PTPRU: variants seen among roughly 807,000 people sequenced by gnomAD.
PTPRU encodes the protein receptor-type tyrosine-protein phosphatase U.
Under a neutral mutation model 166.3 loss-of-function variants are expected in PTPRU, and 69 were observed. The ratio of observed to expected loss-of-function variants is 0.41; its 90% confidence interval spans 0.34 to 0.51. The LOEUF (loss-of-function observed/expected upper bound fraction) is 0.51, where lower values mean the gene tolerates loss of function less well. Ranked by LOEUF, PTPRU falls within the 20% of genes least tolerant of loss-of-function variation. PTPRU has a pLI of 0.09. For synonymous variants in PTPRU, 793 were observed against 814.0 expected (o/e 0.97, Z 0.44); for missense variants, 1,657 against 2,013.7 (o/e 0.82, Z 3.39).
intron 1 of PTPRU, among the ~76,000 whole-genome samples, chr1:29,252,088 G>T (rs982445180): frequency 2.6e-5 from 4 of 152,148 alleles, no homozygotes; most frequent in Non-Finnish European, 5.9e-5. Context: ...TTCAAACAAA[G>T]AGCCAAAGAG....
chr1:29,237,299 G>C lies in PTPRU; in HGVS notation c.73+582G>C, dbSNP rs1256729888. 6.6e-6 allele frequency among the ~76,000 whole-genome samples: 1 copy of C among 152,108 alleles called. No individual in the cohort carries two copies. Among genetic ancestry groups the C allele is most frequent in the Non-Finnish European group, 1.5e-5 (1 of 68,012 alleles). On this transcript the variant is annotated intron_variant, in intron 1 of 29. Coordinates refer to ENST00000373779, the MANE Select transcript of PTPRU (RefSeq NM_133178.4). The surrounding 1 kb of genome is among the most constrained non-coding windows in gnomAD (Gnocchi z 6.4). The stretch of plus-strand genomic sequence containing the variant: ...GAACGGGTCCGGAACGTGTGTGTCC[G>C]TGCGCTGTGTACGTGTGGGGAGTGT...
chr1:29,300,264 G>A (rs901724370), intron 15 of PTPRU, among the ~76,000 whole-genome samples: 1 of 152,166 alleles, frequency 6.6e-6, no homozygotes, highest in African/African-American at 2.4e-5. Context: ...TCCTGAGGAT[G>A]TTTCATGAAA....
intron 11 of PTPRU, among the ~76,000 whole-genome samples, chr1:29,281,544 G>A (rs1686083826): frequency 6.6e-6 from 1 of 152,288 alleles, no homozygotes; most frequent in East Asian, 1.9e-4. Context: ...CTGAGCCTCC[G>A]TTTCTTTATC....
At chr1:29,275,872 A>G (rs1685783994) in intron 8 of PTPRU, 116 bp downstream of exon 8, 1 of 1,114,314 alleles carries the variant, frequency 9.0e-7, no homozygotes, top group Non-Finnish European at 1.3e-6. Flanking sequence ...GATTAAACCA[A>G]CTGTATAACA....
intron 7 of PTPRU, among the ~76,000 whole-genome samples, chr1:29,261,276 C>G (rs1374659935): frequency 2.0e-5 from 3 of 152,194 alleles, no homozygotes; most frequent in Admixed American, 2.0e-4. Flanking sequence ...TGGCTGACTC[C>G]AGAATCTGTG....
Position 29,311,433 on chromosome 1 carries a change from G to A in PTPRU, c.2858-23G>A. ...GGTGGAGACCTTGTCTCAGGGACAGGCACCCTCTGCCTGCATCCCCAGGGC... is the reference window on the plus strand; with the variant it reads ...GGTGGAGACCTTGTCTCAGGGACAGACACCCTCTGCCTGCATCCCCAGGGC... On this transcript the variant is annotated intron_variant, in intron 19 of 29. Coordinates refer to ENST00000373779, the MANE Select transcript of PTPRU (RefSeq NM_133178.4). The surrounding 1 kb of genome is among the most constrained non-coding windows in gnomAD (Gnocchi z 4.1). 1.9e-6 allele frequency: 3 copies of A among 1,612,140 alleles called. No individual in the cohort carries two copies. Among genetic ancestry groups the A allele is most frequent in the Non-Finnish European group, 2.5e-6 (3 of 1,178,822 alleles).
chr1:29,302,475 C>T (rs1687182349), intron 15 of PTPRU, among the ~76,000 whole-genome samples: 1 of 152,194 alleles, frequency 6.6e-6, no homozygotes, highest in African/African-American at 2.4e-5. Flanking sequence ...CACTCAGTGA[C>T]TCACCCAGGA....
chr1:29,259,688 C>A, intron 5 of PTPRU, 124 bp downstream of exon 5: 1 of 1,239,264 alleles, frequency 8.1e-7, no homozygotes, highest in Non-Finnish European at 1.1e-6. Context: ...CACAGCGTCC[C>A]GGCCCTCCCC....
chr1:29,318,782 G>T (rs1688016325), intron 25 of PTPRU, among the ~76,000 whole-genome samples: 1 of 152,216 alleles, frequency 6.6e-6, no homozygotes, highest in Non-Finnish European at 1.5e-5. Flanking sequence ...AGGGTAGGCT[G>T]GCCTGGAAAA....
chr1:29,251,785 C>A (rs752764968), intron 1 of PTPRU, among the ~76,000 whole-genome samples: 6 of 152,186 alleles, frequency 3.9e-5, no homozygotes, highest in Non-Finnish European at 8.8e-5. Context: ...ACAGGAAAGG[C>A]CTGAACCCCA....
At chr1:29,310,084 C>T (rs143597047) in intron 18 of PTPRU, among the ~76,000 whole-genome samples, 2 of 152,116 alleles carry the variant, frequency 1.3e-5, no homozygotes, top group African/African-American at 4.8e-5. Context: ...AGCTCTTGGC[C>T]TCTCTCTCGT....
chr1:29,255,938 T>C (rs1177710078), intron 2 of PTPRU, among the ~76,000 whole-genome samples: 1 of 152,226 alleles, frequency 6.6e-6, no homozygotes, highest in African/African-American at 2.4e-5. Context: ...TCCTGAGCTC[T>C]GGACTGGGAG....
chr1:29,306,931 G>T (rs1046876556), intron 18 of PTPRU, among the ~76,000 whole-genome samples: 1 of 152,150 alleles, frequency 6.6e-6, no homozygotes, highest in Admixed American at 6.5e-5. Flanking sequence ...GGTCCCAGTT[G>T]GCTCCTCTTG....
At chr1:29,285,533 G>T (rs569303194) in intron 14 of PTPRU, among the ~76,000 whole-genome samples, 4 of 152,278 alleles carry the variant, frequency 2.6e-5, no homozygotes, top group Non-Finnish European at 4.4e-5. Flanking sequence ...AGGACATTGT[G>T]GAATCCAGAA....
At chr1:29,310,136 A>G (rs1687580566) in intron 18 of PTPRU, among the ~76,000 whole-genome samples, 1 of 152,158 alleles carries the variant, frequency 6.6e-6, no homozygotes, top group Admixed American at 6.5e-5. Context: ...GTACGTGACC[A>G]TAACAGGGTC....
rs76780230 is a variant in PTPRU, at chr1:29,308,890, G to A, written c.2821-1854G>A. ...ACCAACAAACAAAAATTAGTTGGAT[G>A]TAGTGGCCTGTGCCTGTAGTCCCAG... On this transcript the variant is annotated intron_variant, in intron 18 of 29. Transcript: ENST00000373779. Among the ~76,000 whole-genome samples, 381 of 152,168 alleles carry A rather than the reference G, an allele frequency of 2.5e-3. 2 individuals carry two copies. The highest frequency in any genetic ancestry group is 8.8e-3 in the African/African-American group (364 of 41,510).
rs376438851 is a variant in PTPRU, at chr1:29,259,405, C to T, written c.560-44C>T. Reference sequence around the variant, plus strand: ...TGTGGGCGGCCGCGGCTCCTGCCTGCAGGGGGTGCAGGCCCAGCTCACGAT... The same window carrying T: ...TGTGGGCGGCCGCGGCTCCTGCCTGTAGGGGGTGCAGGCCCAGCTCACGAT... On this transcript the variant is annotated intron_variant, in intron 4 of 29. Transcript: ENST00000373779. 3 of 1,607,772 alleles carry T rather than the reference C, an allele frequency of 1.9e-6. No homozygotes were observed. In the African/African-American group the frequency reaches 4.0e-5, roughly 21 times the overall value.
chr1:29,299,782 C>A (rs965821909), intron 15 of PTPRU, among the ~76,000 whole-genome samples: 2 of 152,208 alleles, frequency 1.3e-5, no homozygotes, highest in African/African-American at 4.8e-5. Context: ...CTCCATCTCG[C>A]CAGTTTCTTC....
At chr1:29,298,290 C>A (rs1164227621) in intron 15 of PTPRU, among the ~76,000 whole-genome samples, 3 of 147,314 alleles carry the variant, frequency 2.0e-5, no homozygotes, top group Non-Finnish European at 4.5e-5. Context: ...AAAAAAAAAA[C>A]CAAAACGTGT....
Sources: gnomAD v4.1 joint callset for allele counts (sites outside exome capture counted in the v4.1 genomes callset) on GRCh38, gnomAD v4.1.1 for gene constraint, Gnocchi (gnomAD v3.1) non-coding constraint, MANE v1.5 for transcripts, NCBI Gene and HGNC (gene_info 2026-07-23, HGNC 2026-07-21) for gene names.